CTIF: variants seen among roughly 807,000 people sequenced by gnomAD.
CTIF encodes the protein cap binding complex dependent translation initiation factor.
CTIF carries 21 observed loss-of-function variants against 66.0 expected under a neutral mutation model. The observed-to-expected ratio is 0.32, with a 90% CI of 0.23 to 0.46. The LOEUF (loss-of-function observed/expected upper bound fraction) is 0.46. CTIF is among the 20% of genes least tolerant of loss of function. CTIF has a pLI of 1.00. For missense variants in CTIF, 739 were observed against 812.7 expected, an observed-to-expected ratio of 0.91 and a Z score of 1.10; for synonymous variants, 345 against 326.4, an observed-to-expected ratio of 1.06 and a Z score of -0.62.
intron 7 of CTIF, among the ~76,000 whole-genome samples, chr18:48,747,520 G>A (rs1907348171): frequency 1.3e-5 from 2 of 152,290 alleles, no homozygotes; most frequent in South Asian, 2.1e-4. Context: ...CCGACAACTT[G>A]GAGTCCTGGG....
chr18:48,702,524 G>C (rs944015222), intron 6 of CTIF, among the ~76,000 whole-genome samples: 10 of 152,224 alleles, frequency 6.6e-5, no homozygotes, highest in African/African-American at 1.7e-4. Flanking sequence ...AGAATGGGTA[G>C]AGTTTTAGGT....
rs2090460391 is a variant in CTIF, at chr18:48,619,763, G to T, written c.180+18G>T. The T allele has an allele frequency of 6.6e-7, 1 of 1,522,252 alleles. No homozygotes were observed. The highest frequency in any genetic ancestry group is 8.8e-7 in the Non-Finnish European group (1 of 1,130,958). 94.3% of individuals were successfully genotyped at this position (1,522,252 alleles called of 1,614,324 possible). A position where few individuals can be genotyped will look rare whatever the true frequency, so the allele number is the denominator to read the frequency against. On this transcript the variant is annotated intron_variant, in intron 2 of 11. Coordinates refer to ENST00000256413, the MANE Select transcript of CTIF (RefSeq NM_014772.3). ...TCTCCCAGGTGAGCGCGGGCCCGGGGTTGGGGCAGCTTGGGAAATTCAGAG... is the reference window on the plus strand; with the variant it reads ...TCTCCCAGGTGAGCGCGGGCCCGGGTTTGGGGCAGCTTGGGAAATTCAGAG...
rs540972349 is a variant in CTIF, at chr18:48,726,120, C to T, written c.584+14425C>T. 1.1e-4 allele frequency among the ~76,000 whole-genome samples: 17 copies of T among 152,260 alleles called. No homozygotes were observed. In the East Asian group the frequency reaches 3.1e-3, roughly 28 times the overall value. ...GATGCTCAGAAAGGAGGTAAAATGCCAAGGGCAACACAAACCTGAGGACTT... is the reference window on the plus strand; with the variant it reads ...GATGCTCAGAAAGGAGGTAAAATGCTAAGGGCAACACAAACCTGAGGACTT... On this transcript the variant is annotated intron_variant, in intron 7 of 11. Transcript: ENST00000256413.
intron 3 of CTIF, among the ~76,000 whole-genome samples, chr18:48,657,389 C>G (rs183012356): frequency 1.2e-4 from 18 of 152,202 alleles, no homozygotes; most frequent in African/African-American, 4.1e-4. Context: ...CCTGTTAAAA[C>G]TTGAACATTT....
chr18:48,775,433 G>A (rs1014368424), intron 9 of CTIF, among the ~76,000 whole-genome samples: 4 of 152,230 alleles, frequency 2.6e-5, no homozygotes, highest in African/African-American at 7.2e-5. Context: ...AGATGCCCAC[G>A]CAGAGATTCT....
rs985854122 is a variant in CTIF, at chr18:48,847,117, G to A, written c.1528-10471G>A. On this transcript the variant is annotated intron_variant, in intron 10 of 11. Coordinates refer to ENST00000256413, the MANE Select transcript of CTIF (RefSeq NM_014772.3). ...GAGGTCAAGAGATGGAGACCATCCC[G>A]GCCAACATGGTGAAACCCCATCTCT... is the stretch of plus-strand genomic sequence containing the variant. Among the ~76,000 whole-genome samples the A allele has an allele frequency of 5.3e-5, 8 of 151,964 alleles. No individual in the cohort carries two copies. The East Asian group carries it at 5.8e-4, about 11-fold the overall frequency.
intron 3 of CTIF, among the ~76,000 whole-genome samples, chr18:48,646,961 A>G (rs535485723): frequency 1.6e-4 from 25 of 151,682 alleles, no homozygotes; most frequent in Admixed American, 3.9e-4. Flanking sequence ...TGATTGAGCA[A>G]TTGCACTCCT....
rs369550401 is a variant in CTIF at position 48,814,542 on chromosome 18, C to A, written c.1372-2679C>A. 3.9e-5 allele frequency among the ~76,000 whole-genome samples: 6 copies of A among 152,244 alleles called. No homozygotes were observed. The South Asian group carries it at 6.2e-4, about 16-fold the overall frequency. On this transcript the variant is annotated intron_variant, in intron 9 of 11. Coordinates refer to ENST00000256413, the MANE Select transcript of CTIF (RefSeq NM_014772.3). ...TAATATCTTTGTGCCTTAGTTGTCC[C>A]CATTTTAAAATGAGAATGGTAATGC...
chr18:48,658,557 GCA>G (rs966890875), intron 3 of CTIF, among the ~76,000 whole-genome samples: 52 of 151,936 alleles, frequency 3.4e-4, no homozygotes, highest in African/African-American at 1.1e-3. Context: ...TGTACGTGTG[GCA>G]CACATTGTGT....
intron 7 of CTIF, among the ~76,000 whole-genome samples, chr18:48,753,519 G>GT (rs1908038678): frequency 6.6e-6 from 1 of 151,470 alleles, no homozygotes; most frequent in Non-Finnish European, 1.5e-5. Context: ...AGTAAAACAA[G>GT]ACATCTGATT....
rs149138883 is a variant in CTIF at position 48,585,831 on chromosome 18, T to C, written c.-28-33707T>C. Among the ~76,000 whole-genome samples, 743 of 152,330 alleles carry C rather than the reference T, an allele frequency of 4.9e-3. 3 individuals are homozygous for C. The highest frequency in any genetic ancestry group is 0.017 in the African/African-American group (720 of 41,558). ...GCGTTTCAGCCGTCGACCCAGCCACTGAGCACGCCTGCTACTCACAGATGT... is the reference window on the plus strand; with the variant it reads ...GCGTTTCAGCCGTCGACCCAGCCACCGAGCACGCCTGCTACTCACAGATGT... On this transcript the variant is annotated intron_variant, in intron 1 of 11. Coordinates refer to ENST00000256413, the MANE Select transcript of CTIF (RefSeq NM_014772.3).
intron 3 of CTIF, among the ~76,000 whole-genome samples, chr18:48,660,066 C>G (rs1235959742): frequency 1.3e-5 from 2 of 149,046 alleles, no homozygotes; most frequent in Non-Finnish European, 3.0e-5. Flanking sequence ...CGTGACTCCA[C>G]CACCTGCTCC....
In CTIF at chr18:48,586,599, A is replaced by G. The variant is rs143594202; in HGVS notation, c.-28-32939A>G. On this transcript the variant is annotated intron_variant, in intron 1 of 11. Coordinates refer to ENST00000256413, the MANE Select transcript of CTIF (RefSeq NM_014772.3). ...AATTTGATAGATGTAAAATTGTACC[A>G]AAGTTTCCTTTGCATTTCTTTGGTT... Among the ~76,000 whole-genome samples, 173 of 152,324 alleles carry G rather than the reference A, an allele frequency of 1.1e-3. 1 individual carries two copies. Among genetic ancestry groups the G allele is most frequent in the African/African-American group, 3.9e-3 (162 of 41,568 alleles).
At chr18:48,623,899 A>G (rs71363010) in intron 2 of CTIF, among the ~76,000 whole-genome samples, 1 of 134,266 alleles carries the variant, frequency 7.4e-6, no homozygotes, top group Non-Finnish European at 1.5e-5. Context: ...ATGGATGGAT[A>G]GACAGACAGA....
At chr18:48,603,854 T>A (rs1429201075) in intron 1 of CTIF, among the ~76,000 whole-genome samples, 2 of 119,750 alleles carry the variant, frequency 1.7e-5, no homozygotes, top group Non-Finnish European at 3.3e-5. Context: ...GTGAAATTTT[T>A]TTTTTTTTTT....
intron 10 of CTIF, among the ~76,000 whole-genome samples, chr18:48,824,011 C>T (rs1040153110): frequency 6.9e-6 from 1 of 144,288 alleles, no homozygotes; most frequent in East Asian, 1.9e-4. Flanking sequence ...CACACACACA[C>T]ACAAACTGCT....
At chr18:48,783,476 G>C (rs1911430797) in intron 9 of CTIF, among the ~76,000 whole-genome samples, 1 of 152,132 alleles carries the variant, frequency 6.6e-6, no homozygotes, top group South Asian at 2.1e-4. Flanking sequence ...AAATCTTGGA[G>C]CTCAGGACTC....
chr18:48,772,420 G>A (rs1190643520), intron 9 of CTIF, among the ~76,000 whole-genome samples: 1 of 143,692 alleles, frequency 7.0e-6, no homozygotes, highest in Non-Finnish European at 1.6e-5. Flanking sequence ...ACCATCCCCC[G>A]GCACCCCACC....
chr18:48,784,904 C>T (rs1329627220), intron 9 of CTIF, among the ~76,000 whole-genome samples: 2 of 152,246 alleles, frequency 1.3e-5, no homozygotes, highest in Non-Finnish European at 2.9e-5. Context: ...AGGAAACCCT[C>T]GCTGTCATCC....
Sources: allele counts gnomAD v4.1 joint callset (sites outside exome capture counted in the v4.1 genomes callset), GRCh38; gene constraint gnomAD v4.1.1; transcripts MANE v1.5; gene names NCBI Gene and HGNC (gene_info 2026-07-23, HGNC 2026-07-21).